CCDC187: variants seen among roughly 807,000 people sequenced by gnomAD.
CCDC187 encodes coiled-coil domain-containing protein 187.
Under a neutral mutation model 38.0 loss-of-function variants are expected in CCDC187, and 32 were observed. The observed-to-expected ratio is 0.84, with a 90% CI of 0.64 to 1.13. The LOEUF (loss-of-function observed/expected upper bound fraction) is 1.13. Ranked by LOEUF, CCDC187 falls within the 50% of genes most tolerant of loss-of-function variation. The pLI is 0.00. For synonymous variants in CCDC187, 333 were observed against 347.9 expected (o/e 0.96, Z 0.48); for missense variants, 707 against 786.8 (o/e 0.90, Z 1.21).
At chr9:136,275,404 CTG>C (rs1830912447) in intron 12 of CCDC187, among the ~76,000 whole-genome samples, 1 of 152,066 alleles carries the variant, frequency 6.6e-6, no homozygotes, top group Non-Finnish European at 1.5e-5. Context: ...CAGGGTGTCT[CTG>C]TTGCTGTCGG....
rs1830935963 is a variant in CCDC187, at chr9:136,276,642, T to A, written c.3117+9A>T. The A allele has an allele frequency of 6.6e-6, 1 of 152,106 alleles. No individual in the cohort carries two copies. Among genetic ancestry groups the A allele is most frequent in the Non-Finnish European group, 1.5e-5 (1 of 68,034 alleles). 9.4% of individuals were successfully genotyped at this position (152,106 alleles called of 1,614,324 possible). Reference sequence around the variant, plus strand: ...AAGGGGACCCAGCTGTCATCGGCCTTGGGCAAACCTTCAGAGAATCCAGAA... The same window carrying A: ...AAGGGGACCCAGCTGTCATCGGCCTAGGGCAAACCTTCAGAGAATCCAGAA... On this transcript the variant is annotated intron_variant, in intron 11 of 25. Coordinates refer to ENST00000638797, the MANE Select transcript of CCDC187 (RefSeq NM_001378188.1).
Position 136,267,408 on chromosome 9 carries a change from AG to A in CCDC187, c.3622del (p.Leu1208TrpfsTer44). The stretch of plus-strand genomic sequence containing the variant: ...CCCTCGTCGATGCTCCAGCCAGGCC[AG>A]CTCCGCGAGCGTTTTCTCCTGGAGC... ...MALQEKTLAE[L>X]AWLEHRRGCL... On this transcript the variant is annotated frameshift_variant, in exon 16 of 26. Coordinates refer to ENST00000638797, the MANE Select transcript of CCDC187 (RefSeq NM_001378188.1). LOFTEE classifies it high-confidence loss of function. The A allele has an allele frequency of 1.0e-6, 1 of 985,494 alleles. No homozygotes were observed. The highest frequency in any genetic ancestry group is 1.2e-6 in the Non-Finnish European group (1 of 830,012). 61.0% of individuals were successfully genotyped at this position (985,494 alleles called of 1,614,324 possible).
intron 19 of CCDC187, among the ~76,000 whole-genome samples, chr9:136,261,817 G>A (rs1418613395): frequency 6.6e-6 from 1 of 152,240 alleles, no homozygotes; most frequent in Non-Finnish European, 1.5e-5. Context: ...AGAGTCTTGA[G>A]GGCTGCTGGC....
At chr9:136,286,865 C>T (rs1170671934) in intron 7 of CCDC187, among the ~76,000 whole-genome samples, 170 bp from the exon 8 acceptor site, 1 of 152,258 alleles carries the variant, frequency 6.6e-6, no homozygotes, top group Non-Finnish European at 1.5e-5. Context: ...ACAGACCACA[C>T]AGCTGCCGCA....
chr9:136,267,392 A>G lies in CCDC187; in HGVS notation c.3639T>C (p.His1213=). The change falls in exon 16 of 26, where the codon CAT becomes CAC. Residue 1213 remains histidine, a synonymous_variant. Coordinates refer to ENST00000638797, the MANE Select transcript of CCDC187 (RefSeq NM_001378188.1). The part of the protein sequence containing the change: ...KTLAELAWLE[H]RRGCLDSKRD... Reference sequence around the variant, plus strand: ...CAGGCGCATGCGCTCACCCTCGTCGATGCTCCAGCCAGGCCAGCTCCGCGA... The same window carrying G: ...CAGGCGCATGCGCTCACCCTCGTCGGTGCTCCAGCCAGGCCAGCTCCGCGA... 1 of 985,402 alleles carries G rather than the reference A, an allele frequency of 1.0e-6. No individual in the cohort carries two copies. Among genetic ancestry groups the G allele is most frequent in the Non-Finnish European group, 1.2e-6 (1 of 830,004 alleles). 61.0% of individuals were successfully genotyped at this position (985,402 alleles called of 1,614,324 possible). A position where few individuals can be genotyped will look rare whatever the true frequency, so the allele number is the denominator to read the frequency against.
intron 10 of CCDC187, chr9:136,281,053 C>T (rs1237216261): frequency 4.5e-6 from 1 of 223,624 alleles, no homozygotes; most frequent in Non-Finnish European, 8.7e-6. Context: ...TGCACCAGCC[C>T]CTCCAGCTGC....
chr9:136,278,276 G>T (rs1414127929), intron 10 of CCDC187, among the ~76,000 whole-genome samples: 4 of 152,234 alleles, frequency 2.6e-5, no homozygotes, highest in African/African-American at 9.6e-5. Context: ...CAGTCCTGCG[G>T]CCCCCACAGA....
At chr9:136,289,921 C>T in intron 7 of CCDC187, 38 bp downstream of exon 7, 1 of 395,226 alleles carries the variant, frequency 2.5e-6, no homozygotes, top group Non-Finnish European at 4.5e-6. Context: ...CCCCAAGGCC[C>T]CGCCCGGCAT....
rs1831192311 is a variant in CCDC187 at position 136,286,761 on chromosome 9, C to T, written c.2223-66G>A. 8 of 398,254 alleles carry T rather than the reference C, an allele frequency of 2.0e-5. No homozygotes were observed. In the South Asian group the frequency reaches 5.3e-4, roughly 27 times the overall value. 24.7% of individuals were successfully genotyped at this position (398,254 alleles called of 1,614,324 possible). A position where few individuals can be genotyped will look rare whatever the true frequency, so the allele number is the denominator to read the frequency against. ...TCGCCCCAGCAGGGCACGGAAAGCACGCGTGTTTTGCAGGTGTGAGCGTCA... is the reference window on the plus strand; with the variant it reads ...TCGCCCCAGCAGGGCACGGAAAGCATGCGTGTTTTGCAGGTGTGAGCGTCA... On this transcript the variant is annotated intron_variant, in intron 7 of 25. Transcript: ENST00000638797.
At chr9:136,280,665 A>C (rs36140020) in intron 10 of CCDC187, among the ~76,000 whole-genome samples, 20,026 of 151,816 alleles carry the variant, frequency 0.13, 1,515 homozygotes, top group Admixed American at 0.2. Context: ...CGGGAAGCAG[A>C]CTCCAGGAGG....
chr9:136,272,313 A>C (rs1160188395), intron 14 of CCDC187, among the ~76,000 whole-genome samples: 1 of 152,234 alleles, frequency 6.6e-6, no homozygotes, highest in Non-Finnish European at 1.5e-5. Flanking sequence ...TAACAAGATA[A>C]TTGGCTGTTT....
rs62579921 is a variant in CCDC187 at position 136,265,968 on chromosome 9, C to G, written c.3723G>C (p.Leu1241Phe). 0.96 allele frequency: 947,963 copies of G among 985,498 alleles called. 455,988 individuals are homozygous for G. Among genetic ancestry groups the G allele is most frequent in the East Asian group, 1 (8,818 of 8,820 alleles). 61.0% of individuals were successfully genotyped at this position (985,498 alleles called of 1,614,324 possible). ...VEKQQQALSRLEKEQREIQYL... is the reference protein window; with the variant it reads ...VEKQQQALSRFEKEQREIQYL... ...GTGCTGGCCCCACCTGCTCCTTCTC[C>G]AATCTGCTGAGGGCTTGCTGCTGCT... is the stretch of plus-strand genomic sequence containing the variant. The change falls in exon 17 of 26, where the codon TTG becomes TTC. Residue 1241 changes from leucine (L) to phenylalanine (F), a missense_variant. By Grantham distance (22) the Leu-to-Phe change is conservative. Transcript: ENST00000638797.
intron 2 of CCDC187, among the ~76,000 whole-genome samples, chr9:136,302,603 C>T (rs1054628482): frequency 5.9e-5 from 9 of 152,218 alleles, no homozygotes; most frequent in African/African-American, 9.6e-5. Flanking sequence ...GCATCTCCAC[C>T]GCTCCTCTGT....
At chr9:136,306,605 G>A (rs1032292116), upstream of CCDC187, among the ~76,000 whole-genome samples, 18 of 152,290 alleles carry the variant, frequency 1.2e-4, no homozygotes, top group African/African-American at 2.9e-4. Context: ...CTTAACCAGC[G>A]GATGAGGCTC....
At chr9:136,255,496 C>T (rs782144038) in intron 25 of CCDC187, among the ~76,000 whole-genome samples, 161 bp downstream of exon 25, 1 of 152,200 alleles carries the variant, frequency 6.6e-6, no homozygotes, top group African/African-American at 2.4e-5. Flanking sequence ...CCCTGGCAAC[C>T]CTGTGATGGG....
In CCDC187 at chr9:136,303,196, C is replaced by T. The variant is rs1393053710; in HGVS notation, c.241G>A (p.Gly81Arg). ...CCTGGTTCCTTGAGGTCGTCAGACC[C>T]GACCACGTGGGGAGCTGCCCAGGGT... ...DPPWAAPHVV[G>R]SDDLKEPGPW... Residue 81 changes from glycine to arginine, a missense_variant, in exon 2 of 26, where the codon GGG (glycine) becomes AGG (arginine). Gly to Arg is a moderately radical substitution (Grantham distance 125). Coordinates refer to ENST00000638797, the MANE Select transcript of CCDC187 (RefSeq NM_001378188.1). 7 of 398,450 alleles carry T rather than the reference C, an allele frequency of 1.8e-5. No individual in the cohort carries two copies. The highest frequency in any genetic ancestry group is 1.8e-5 in the Non-Finnish European group (4 of 226,100). 24.7% of individuals were successfully genotyped at this position (398,450 alleles called of 1,614,324 possible).
At chr9:136,273,551 C>T (rs958313101) in intron 14 of CCDC187, among the ~76,000 whole-genome samples, 4 of 152,150 alleles carry the variant, frequency 2.6e-5, no homozygotes, top group Non-Finnish European at 4.4e-5. Context: ...AAGGAGAACT[C>T]GGCAAATTGC....
At chr9:136,283,064 T>C (rs909665274) in intron 9 of CCDC187, among the ~76,000 whole-genome samples, 74 of 152,074 alleles carry the variant, frequency 4.9e-4, no homozygotes, top group Admixed American at 1.7e-3. Context: ...GCCTGGCCAA[T>C]ATGGTGAAAC....
chr9:136,259,520 G>GCTCCATTCTGCCCCT, intron 20 of CCDC187, 72 bp from the exon 21 acceptor site: 1 of 775,596 alleles, frequency 1.3e-6, no homozygotes, highest in Non-Finnish European at 1.6e-6. Context: ...GAAGGAGGCA[G>GCTCCATTCTGCCCCT]GGGCAGAATG....
Sources: gnomAD v4.1 joint callset for allele counts (sites outside exome capture counted in the v4.1 genomes callset) on GRCh38, gnomAD v4.1.1 for gene constraint, MANE v1.5 for transcripts, NCBI Gene and HGNC (gene_info 2026-07-23, HGNC 2026-07-21) for gene names.